Variants in AUTS2 observed in about 807,000 individuals in gnomAD.
AUTS2 encodes activator of transcription and developmental regulator AUTS2.
Under a neutral mutation model 112.4 loss-of-function variants are expected in AUTS2, and 17 were observed. That is an observed-to-expected ratio of 0.15 (90% CI 0.10 to 0.23). The LOEUF (loss-of-function observed/expected upper bound fraction) is 0.23. Among genes scored for constraint, AUTS2 ranks in the 10% least tolerant of loss-of-function variants. The pLI is 1.00. For missense variants in AUTS2, 1,510 were observed against 1,701.6 expected (o/e 0.89, Z 1.98); for synonymous variants, 751 against 702.7 (o/e 1.07, Z -1.09).
chr7:70,211,529 G>A, intron 4 of AUTS2, among the ~76,000 whole-genome samples: 1 of 151,234 alleles, frequency 6.6e-6, no homozygotes, highest in East Asian at 2.0e-4. Context: ...GGCGCCTGTA[G>A]TCCCAGCTAC....
intron 5 of AUTS2, among the ~76,000 whole-genome samples, chr7:70,509,230 A>G (rs560732767): frequency 5.9e-5 from 9 of 152,222 alleles, no homozygotes; most frequent in Non-Finnish European, 1.2e-4. Context: ...GAGGGAAGAA[A>G]GAACCAAGGC....
intron 4 of AUTS2, among the ~76,000 whole-genome samples, chr7:70,170,975 G>A (rs977209644): frequency 5.3e-5 from 8 of 151,984 alleles, no homozygotes; most frequent in African/African-American, 1.9e-4. Context: ...AATGACTGGG[G>A]GAAAAGTAAA....
intron 2 of AUTS2, among the ~76,000 whole-genome samples, chr7:69,937,650 T>C (rs910265429): frequency 6.6e-6 from 1 of 152,218 alleles, no homozygotes; most frequent in Non-Finnish European, 1.5e-5. Context: ...TCATCAGTTT[T>C]CATGTCCCTG....
At chr7:70,375,691 G>A (rs1233230017) in intron 4 of AUTS2, among the ~76,000 whole-genome samples, 1 of 152,194 alleles carries the variant, frequency 6.6e-6, no homozygotes, top group Admixed American at 6.5e-5. Context: ...TTCTGAATGG[G>A]CTTTGAGCAA....
chr7:70,286,153 G>A (rs575481906), intron 4 of AUTS2, among the ~76,000 whole-genome samples: 1 of 152,338 alleles, frequency 6.6e-6, no homozygotes, highest in South Asian at 2.1e-4. Flanking sequence ...AGAGAATGGA[G>A]TGCAGAAAGC....
intron 1 of AUTS2, among the ~76,000 whole-genome samples, chr7:69,673,012 T>C (rs1796406026): frequency 6.6e-6 from 1 of 152,226 alleles, no homozygotes; most frequent in Non-Finnish European, 1.5e-5. Flanking sequence ...TCAGAGTGAC[T>C]GTATTTAGAC....
chr7:70,119,022 ACT>A (rs1299007878), intron 3 of AUTS2: 1 of 135,130 alleles, frequency 7.4e-6, no homozygotes, highest in Non-Finnish European at 1.5e-5. Context: ...ATGGAGTCTC[ACT>A]CTGTCGCCAG....
chr7:70,403,815 G>A (rs1794423435), intron 4 of AUTS2, among the ~76,000 whole-genome samples: 1 of 152,202 alleles, frequency 6.6e-6, no homozygotes, highest in Admixed American at 6.5e-5. Context: ...TTACACGTGT[G>A]TAGACACTGC....
At chr7:70,003,135 A>G (rs1320706798) in intron 2 of AUTS2, among the ~76,000 whole-genome samples, 2 of 142,594 alleles carry the variant, frequency 1.4e-5, no homozygotes, top group Non-Finnish European at 3.0e-5. Context: ...ATATATGAAT[A>G]TATTATATAT....
At chr7:70,158,262 G>T (rs552504289) in intron 4 of AUTS2, among the ~76,000 whole-genome samples, 2 of 152,300 alleles carry the variant, frequency 1.3e-5, no homozygotes, top group South Asian at 4.2e-4. Context: ...TCATGTTGTA[G>T]AATTTATTAG....
intron 5 of AUTS2, among the ~76,000 whole-genome samples, chr7:70,462,484 C>G (rs966188351): frequency 6.6e-6 from 1 of 152,026 alleles, no homozygotes; most frequent in African/African-American, 2.4e-5. Flanking sequence ...TGAAAATTTT[C>G]ATAATAAAAT....
At chr7:69,825,041 A>G (rs929722082) in intron 1 of AUTS2, among the ~76,000 whole-genome samples, 2 of 152,162 alleles carry the variant, frequency 1.3e-5, no homozygotes, top group Non-Finnish European at 2.9e-5. Flanking sequence ...TTGCTAACAT[A>G]TTTCCTGGGC....
intron 5 of AUTS2, among the ~76,000 whole-genome samples, chr7:70,610,994 A>C (rs1389657022): frequency 6.6e-6 from 1 of 152,154 alleles, no homozygotes; most frequent in Non-Finnish European, 1.5e-5. Context: ...GTTTGATGCA[A>C]TCCTATTTGT....
At chr7:70,367,510 C>T (rs1303860433) in intron 4 of AUTS2, among the ~76,000 whole-genome samples, 3 of 146,706 alleles carry the variant, frequency 2.0e-5, no homozygotes, top group East Asian at 4.1e-4. Flanking sequence ...GAGCTGAGAA[C>T]GTGCCACAGC....
chr7:70,059,077 G>A lies in AUTS2; in HGVS notation c.523-59055G>A, dbSNP rs1418197408. ...GTTAACTTTTGGATTTGTACATTCT[G>A]TGAGCTTTCACAAATATAAAACGGC... On this transcript the variant is annotated intron_variant, in intron 2 of 18. Transcript: ENST00000342771. Among the ~76,000 whole-genome samples, 8 of 152,254 alleles carry A rather than the reference G, an allele frequency of 5.3e-5. 1 individual carries two copies. In the South Asian group the frequency reaches 8.3e-4, roughly 16 times the overall value.
intron 5 of AUTS2, among the ~76,000 whole-genome samples, chr7:70,472,880 C>T (rs1797445988): frequency 6.6e-6 from 1 of 152,182 alleles, no homozygotes; most frequent in African/African-American, 2.4e-5. Context: ...TTGTGGAGCT[C>T]AGTGGAGAGA....
At chr7:69,948,346 G>T (rs1405660355) in intron 2 of AUTS2, among the ~76,000 whole-genome samples, 3 of 152,120 alleles carry the variant, frequency 2.0e-5, no homozygotes, top group African/African-American at 4.8e-5. Flanking sequence ...TACCTTGTTG[G>T]CAAGCATCCC....
chr7:70,130,443 TGGG>T (rs966086865), intron 3 of AUTS2, among the ~76,000 whole-genome samples: 2 of 151,872 alleles, frequency 1.3e-5, no homozygotes, highest in African/African-American at 4.8e-5. Flanking sequence ...GAAAGGCAAG[TGGG>T]GGGAAATGAG....
chr7:70,343,715 A>C (rs893365349), intron 4 of AUTS2, among the ~76,000 whole-genome samples: 4 of 152,192 alleles, frequency 2.6e-5, no homozygotes, highest in South Asian at 2.1e-4. Flanking sequence ...GCCCGGGATA[A>C]AGAGAAGGTG....
Sources: gnomAD v4.1 joint callset for allele counts (sites outside exome capture counted in the v4.1 genomes callset) on GRCh38, gnomAD v4.1.1 for gene constraint, MANE v1.5 for transcripts, NCBI Gene and HGNC (gene_info 2026-07-23, HGNC 2026-07-21) for gene names.